The following OR51B5 variants were observed in gnomAD, a reference collection of about 807,000 sequenced individuals.
The protein encoded by OR51B5 is olfactory receptor 51B5.
For missense variants in OR51B5, 456 were observed against 374.6 expected, an observed-to-expected ratio of 1.22 and a Z score of -1.79; for synonymous variants, 186 against 144.8, an observed-to-expected ratio of 1.28 and a Z score of -2.04.
intron 1 of OR51B5, among the ~76,000 whole-genome samples, chr11:5,432,898 G>A (rs1850551575): frequency 6.6e-6 from 1 of 152,140 alleles, no homozygotes; most frequent in Non-Finnish European, 1.5e-5. Flanking sequence ...AAAGAACTGA[G>A]TTTTAGCTTT....
chr11:5,410,556 G>A (rs1474630477), intron 1 of OR51B5, among the ~76,000 whole-genome samples: 1 of 152,022 alleles, frequency 6.6e-6, no homozygotes, highest in Non-Finnish European at 1.5e-5. Flanking sequence ...CCTATCACTT[G>A]TTATTTACTA....
intron 1 of OR51B5, among the ~76,000 whole-genome samples, chr11:5,479,560 G>C (rs1851381090): frequency 6.6e-6 from 1 of 151,160 alleles, no homozygotes; most frequent in South Asian, 2.1e-4. Context: ...AAAAGACACA[G>C]ACTGGCAAAT....
At chr11:5,349,677 G>T (rs1452976355) in intron 1 of OR51B5, among the ~76,000 whole-genome samples, 1 of 151,896 alleles carries the variant, frequency 6.6e-6, no homozygotes, top group African/African-American at 2.4e-5. Context: ...ATTTTTATTT[G>T]CCATACTGCT....
At chr11:5,487,153 G>A (rs561270152) in intron 1 of OR51B5, among the ~76,000 whole-genome samples, 10 of 152,234 alleles carry the variant, frequency 6.6e-5, no homozygotes, top group East Asian at 1.9e-4. Flanking sequence ...AAAATGCCTC[G>A]TGATCTAAAT....
chr11:5,381,086 C>T (rs1235306560), intron 1 of OR51B5, among the ~76,000 whole-genome samples: 1 of 151,704 alleles, frequency 6.6e-6, no homozygotes, highest in Non-Finnish European at 1.5e-5. Context: ...CTTATACTGG[C>T]CCCTTGAAAG....
intron 1 of OR51B5, chr11:5,352,277 C>G: frequency 6.2e-7 from 1 of 1,614,206 alleles, no homozygotes; most frequent in Non-Finnish European, 8.5e-7. Flanking sequence ...GTTTGTCTGA[C>G]ATTTATTCAT....
rs114591975 is a variant in OR51B5 at position 5,372,632 on chromosome 11, G to A, written n.85-25722C>T. 6.5e-3 allele frequency among the ~76,000 whole-genome samples: 982 copies of A among 152,212 alleles called. 13 individuals carry two copies. Among genetic ancestry groups the A allele is most frequent in the African/African-American group, 0.023 (945 of 41,518 alleles). On this transcript the variant is annotated intron_variant and non_coding_transcript_variant, in intron 1 of 4. Coordinates refer to the OR51B5 transcript ENST00000415970. ...CTATTATATTTTTTCATATTTAGTT[G>A]ATTGAGTTCCTTATATATTTTGGGT...
At chr11:5,439,852 C>T (rs969125734) in intron 1 of OR51B5, among the ~76,000 whole-genome samples, 4 of 152,132 alleles carry the variant, frequency 2.6e-5, no homozygotes, top group Non-Finnish European at 5.9e-5. Flanking sequence ...AAGCAGTTCT[C>T]ATTCAGTAGG....
intron 1 of OR51B5, among the ~76,000 whole-genome samples, chr11:5,502,582 T>C (rs1408311533): frequency 6.6e-6 from 1 of 152,212 alleles, no homozygotes; most frequent in Non-Finnish European, 1.5e-5. Flanking sequence ...AAACCAATAA[T>C]CATTTGTGTA....
chr11:5,370,529 TCTTA>T (rs1849431906), intron 1 of OR51B5, among the ~76,000 whole-genome samples: 1 of 152,200 alleles, frequency 6.6e-6, no homozygotes, highest in African/African-American at 2.4e-5. Flanking sequence ...TTTCTTTCAT[TCTTA>T]CTTTCTGTCT....
At chr11:5,417,001 G>A (rs11037377) in intron 1 of OR51B5, among the ~76,000 whole-genome samples, 54,738 of 142,626 alleles carry the variant, frequency 0.38, 11,836 homozygotes, top group Non-Finnish European at 0.49. Flanking sequence ...CAAAGCTGGA[G>A]GCATCACACT....
intron 1 of OR51B5, among the ~76,000 whole-genome samples, chr11:5,377,454 T>C (rs1156598901): frequency 2.0e-5 from 3 of 152,196 alleles, no homozygotes; most frequent in South Asian, 2.1e-4. Context: ...TTGGAAGTTC[T>C]GGCCAGGGCA....
At chr11:5,465,556 T>TG (rs1851127005) in intron 1 of OR51B5, among the ~76,000 whole-genome samples, 1 of 150,012 alleles carries the variant, frequency 6.7e-6, no homozygotes, top group African/African-American at 2.5e-5. Context: ...GACTTCAAAC[T>TG]ATACTACAAG....
upstream of OR51B5, among the ~76,000 whole-genome samples, chr11:5,348,116 G>A (rs1849022767): frequency 6.6e-6 from 1 of 152,136 alleles, no homozygotes. Context: ...TGTCTGCTAA[G>A]AGTAGATATA....
At chr11:5,463,840 G>C (rs1199425758) in intron 1 of OR51B5, among the ~76,000 whole-genome samples, 1 of 152,218 alleles carries the variant, frequency 6.6e-6, no homozygotes, top group African/African-American at 2.4e-5. Context: ...AGATTTGTTT[G>C]CTAACCAAAT....
chr11:5,352,310 A>G, intron 1 of OR51B5: 1 of 1,614,082 alleles, frequency 6.2e-7, no homozygotes, highest in South Asian at 1.1e-5. Context: ...CATGTTCCTC[A>G]TGTCGTTCAC....
intron 1 of OR51B5, among the ~76,000 whole-genome samples, chr11:5,496,583 C>A (rs1284611484): frequency 6.6e-6 from 1 of 152,184 alleles, no homozygotes; most frequent in Admixed American, 6.5e-5. Context: ...ATCCCGATAA[C>A]ACACTCCAGG....
exon 1 of OR51B5, chr11:5,342,944 C>A: frequency 6.2e-7 from 1 of 1,613,650 alleles, no homozygotes; most frequent in South Asian, 1.1e-5. Flanking sequence ...TGGGTACAGT[C>A]GGTTGAAGGT....
chr11:5,353,925 G>C (rs74772552), intron 1 of OR51B5, among the ~76,000 whole-genome samples: 1 of 151,970 alleles, frequency 6.6e-6, no homozygotes, highest in Non-Finnish European at 1.5e-5. Context: ...ATCTTTATCT[G>C]ATTAGACCAA....
Sources: allele counts gnomAD v4.1 joint callset (sites outside exome capture counted in the v4.1 genomes callset), GRCh38; gene constraint gnomAD v4.1.1; transcripts MANE v1.5; gene names NCBI Gene and HGNC (gene_info 2026-07-23, HGNC 2026-07-21).